Variants in RERE observed in about 807,000 individuals in gnomAD.
The protein encoded by RERE is arginine-glutamic acid dipeptide repeats protein.
Under a neutral mutation model 146.1 loss-of-function variants are expected in RERE, and 40 were observed. The observed-to-expected ratio is 0.27, with a 90% CI of 0.21 to 0.36. The LOEUF is 0.36. Ranked by LOEUF, RERE falls within the 10% of genes least tolerant of loss-of-function variation. The pLI, the probability that RERE is intolerant of heterozygous loss-of-function variation, is 1.00. For synonymous variants in RERE, 1,003 were observed against 866.0 expected, an observed-to-expected ratio of 1.16 and a Z score of -2.78; for missense variants, 1,933 against 2,138.7, an observed-to-expected ratio of 0.90 and a Z score of 1.90.
At chr1:8,471,192 C>CT (rs1644679460) in intron 10 of RERE, among the ~76,000 whole-genome samples, 1 of 152,116 alleles carries the variant, frequency 6.6e-6, no homozygotes, top group African/African-American at 2.4e-5. Context: ...GGAAACTTAC[C>CT]TTTACAACAT....
At position 8,578,047 on chromosome 1, in the gene RERE, C is replaced by T. The variant is rs756997985; in HGVS notation, c.523-20524G>A. On this transcript the variant is annotated intron_variant, in intron 4 of 22. Transcript: ENST00000400908. Reference sequence around the variant, plus strand: ...CAGAGGTTGCAGTGAGCCGAGTTTGCGCCATTGCACTCCAGCCTGGATGAC... The same window carrying T: ...CAGAGGTTGCAGTGAGCCGAGTTTGTGCCATTGCACTCCAGCCTGGATGAC... Among the ~76,000 whole-genome samples the T allele has an allele frequency of 1.1e-3, 170 of 151,486 alleles. 1 individual carries two copies. The highest frequency in any genetic ancestry group is 4.3e-4 in the Non-Finnish European group (29 of 67,914).
At chr1:8,556,917 T>A (rs1474834217) in intron 5 of RERE, among the ~76,000 whole-genome samples, 1 of 152,200 alleles carries the variant, frequency 6.6e-6, no homozygotes, top group East Asian at 1.9e-4. Context: ...CTGTCTTATT[T>A]TTCTTGCTAA....
At chr1:8,712,835 T>C (rs1639695238) in intron 1 of RERE, among the ~76,000 whole-genome samples, 1 of 151,962 alleles carries the variant, frequency 6.6e-6, no homozygotes, top group South Asian at 2.1e-4. Flanking sequence ...CACAGCTATA[T>C]TGGTCTTTTT....
At chr1:8,729,919 T>C (rs570203344) in intron 1 of RERE, among the ~76,000 whole-genome samples, 18 of 152,334 alleles carry the variant, frequency 1.2e-4, no homozygotes, top group African/African-American at 4.3e-4. Flanking sequence ...CTTTCAGGTA[T>C]TTAAAAAATC....
intron 1 of RERE, among the ~76,000 whole-genome samples, chr1:8,814,673 T>C (rs569308232): frequency 4.1e-4 from 63 of 152,332 alleles, no homozygotes; most frequent in African/African-American, 1.1e-3. Flanking sequence ...TTACTTTCCA[T>C]AGAGTAGGTT....
chr1:8,396,115 C>A (rs1643047026), intron 12 of RERE, among the ~76,000 whole-genome samples: 1 of 152,116 alleles, frequency 6.6e-6, no homozygotes, highest in Admixed American at 6.5e-5. Context: ...TGAGAAGGCA[C>A]AGAACAACTG....
intron 3 of RERE, among the ~76,000 whole-genome samples, chr1:8,618,128 G>C (rs1284519609): frequency 6.6e-6 from 1 of 152,158 alleles, no homozygotes; most frequent in Non-Finnish European, 1.5e-5. Flanking sequence ...CAGCCAATGT[G>C]CTAAGCACAC....
intron 2 of RERE, among the ~76,000 whole-genome samples, chr1:8,643,576 TTAAGAAA>T (rs1428279072): frequency 1.3e-5 from 2 of 152,182 alleles, no homozygotes; most frequent in African/African-American, 2.4e-5. Context: ...AAATCAATAC[TTAAGAAA>T]TAAGAAACCC....
chr1:8,616,097 G>T (rs1177041631), intron 3 of RERE, among the ~76,000 whole-genome samples: 2 of 152,148 alleles, frequency 1.3e-5, no homozygotes, highest in African/African-American at 4.8e-5. Context: ...TTTTTTGCCA[G>T]AAGCATCAAA....
intron 10 of RERE, among the ~76,000 whole-genome samples, chr1:8,481,979 C>T (rs867853008): frequency 5.9e-5 from 9 of 151,994 alleles, no homozygotes; most frequent in South Asian, 2.1e-4. Context: ...AAATGACAGG[C>T]GAAGCAGACC....
intron 1 of RERE, among the ~76,000 whole-genome samples, chr1:8,789,292 A>AT (rs1641315937): frequency 7.5e-5 from 8 of 106,358 alleles, no homozygotes; most frequent in Non-Finnish European, 1.3e-4. Context: ...CAAAAAAAAA[A>AT]AAAAAAAAAA....
intron 1 of RERE, among the ~76,000 whole-genome samples, chr1:8,776,777 G>A (rs1340534849): frequency 6.6e-6 from 1 of 152,010 alleles, no homozygotes; most frequent in Non-Finnish European, 1.5e-5. Flanking sequence ...GGAGTGCAGT[G>A]GCACCATCAC....
chr1:8,431,287 G>C (rs905137634), intron 11 of RERE, among the ~76,000 whole-genome samples: 3 of 152,130 alleles, frequency 2.0e-5, no homozygotes, highest in African/African-American at 7.2e-5. Context: ...ATCAGCAGCG[G>C]CATTAGATTT....
chr1:8,473,888 T>A (rs1026927697), intron 10 of RERE, among the ~76,000 whole-genome samples: 2 of 152,240 alleles, frequency 1.3e-5, no homozygotes, highest in African/African-American at 2.4e-5. Flanking sequence ...TTTAGATACA[T>A]GGCTCTTACC....
chr1:8,471,269 A>C (rs578224156), intron 10 of RERE, among the ~76,000 whole-genome samples: 1 of 152,098 alleles, frequency 6.6e-6, no homozygotes, highest in East Asian at 1.9e-4. Context: ...GTGCTCAACT[A>C]TGCCAGGCAC....
At chr1:8,813,128 C>T (rs1322664132) in intron 1 of RERE, among the ~76,000 whole-genome samples, 1 of 152,072 alleles carries the variant, frequency 6.6e-6, no homozygotes, top group African/African-American at 2.4e-5. Context: ...AAGAGGAATT[C>T]CTGGTAGTAA....
chr1:8,423,515 C>A lies in RERE; in HGVS notation c.1204-708G>T. ...CACTTTGTCCCATGCCTCCCGAGCA[C>A]CCCTCCCCGCCCCGGTGGGGGCAGC... is the stretch of plus-strand genomic sequence containing the variant. On this transcript the variant is annotated intron_variant, in intron 11 of 22. Transcript: ENST00000400908. The surrounding 1 kb of genome is among the most constrained non-coding windows in gnomAD (Gnocchi z 5.4). 4 of 982,786 alleles carry A rather than the reference C, an allele frequency of 4.1e-6. No homozygotes were observed. The highest frequency in any genetic ancestry group is 4.8e-6 in the Non-Finnish European group (4 of 827,528). The allele number at this position is 982,786 out of a possible 1,614,324, so 60.9% of individuals were successfully genotyped here.
In RERE at chr1:8,522,873, C is replaced by CA. The variant is rs375276358; in HGVS notation, c.831-14199dup. Among the ~76,000 whole-genome samples the CA allele has an allele frequency of 3.7e-3, 476 of 127,482 alleles. 2 individuals are homozygous for CA. Among genetic ancestry groups the CA allele is most frequent in the African/African-American group, 8.5e-3 (295 of 34,878 alleles). 83.6% of individuals were successfully genotyped at this position (127,482 alleles called of 152,430 possible). A position where few individuals can be genotyped will look rare whatever the true frequency, so the allele number is the denominator to read the frequency against. On this transcript the variant is annotated intron_variant, in intron 7 of 22. Coordinates refer to ENST00000400908, the MANE Select transcript of RERE (RefSeq NM_001042681.2). ...GGGCAACAAGAGCGAGACTCCGTCT[C>CA]AAAAAAAAAAAAAGAATGAAGTGTC...
At chr1:8,605,764 A>AAAC (rs1646698091) in intron 4 of RERE, among the ~76,000 whole-genome samples, 2 of 131,908 alleles carry the variant, frequency 1.5e-5, no homozygotes, top group Non-Finnish European at 3.3e-5. Context: ...AAAAAAAAAA[A>AAAC]AAAAAAACCC....
Sources: allele counts gnomAD v4.1 joint callset (sites outside exome capture counted in the v4.1 genomes callset), GRCh38; gene constraint gnomAD v4.1.1; non-coding constraint Gnocchi (gnomAD v3.1); transcripts MANE v1.5; gene names NCBI Gene and HGNC (gene_info 2026-07-23, HGNC 2026-07-21).